TENM3: variants seen among roughly 807,000 people sequenced by gnomAD.
The protein encoded by TENM3 is teneurin-3.
A neutral mutation model predicts 255.1 loss-of-function variants in TENM3; 63 were observed. That is an observed-to-expected ratio of 0.25 (90% CI 0.20 to 0.30). The LOEUF is 0.30. Among genes scored for constraint, TENM3 ranks in the 10% least tolerant of loss-of-function variants. TENM3 has a pLI of 1.00. For synonymous variants in TENM3, 1,306 were observed against 1,322.3 expected (o/e 0.99, Z 0.27); for missense variants, 2,929 against 3,461.1 (o/e 0.85, Z 3.86).
chr4:182,446,150 C>T (rs1772894525), intron 3 of TENM3, among the ~76,000 whole-genome samples: 1 of 152,168 alleles, frequency 6.6e-6, no homozygotes. Flanking sequence ...TGCCTTTGCC[C>T]CATGGGCTGC....
intron 1 of TENM3, among the ~76,000 whole-genome samples, chr4:182,211,175 T>C (rs749750784): frequency 6.6e-6 from 1 of 152,232 alleles, no homozygotes; most frequent in African/African-American, 2.4e-5. Flanking sequence ...AGAACCAGGA[T>C]TGTTTTTAAG....
rs1762579877 is a variant in TENM3, at chr4:182,313,688, G to A, written c.-75-10258G>A. Among the ~76,000 whole-genome samples the A allele has an allele frequency of 2.0e-5, 3 of 151,986 alleles. No homozygotes were observed. The South Asian group carries it at 6.2e-4, about 32-fold the overall frequency. Reference sequence around the variant, plus strand: ...AAATGAAAAAAAAACAGCAAATATTGGGAATGTGTATTAAACAGTGCTTAG... The same window carrying A: ...AAATGAAAAAAAAACAGCAAATATTAGGAATGTGTATTAAACAGTGCTTAG... On this transcript the variant is annotated intron_variant, in intron 1 of 27. Transcript: ENST00000511685.
intron 3 of TENM3, among the ~76,000 whole-genome samples, chr4:182,358,703 C>A (rs1206149975): frequency 6.8e-6 from 1 of 147,776 alleles, no homozygotes; most frequent in Non-Finnish European, 1.5e-5. Flanking sequence ...AATTGAATAC[C>A]CTTTATTTCC....
the TENM3 span, among the ~76,000 whole-genome samples, chr4:181,799,532 G>T: frequency 6.6e-6 from 1 of 152,158 alleles, no homozygotes; most frequent in Non-Finnish European, 1.5e-5. Context: ...ATCAAAGCAT[G>T]ATCATTTCTT....
the TENM3 span, among the ~76,000 whole-genome samples, chr4:181,640,202 T>C: frequency 6.6e-6 from 1 of 152,278 alleles, no homozygotes; most frequent in South Asian, 2.1e-4. Flanking sequence ...TCTCAGTCCC[T>C]ACTCCAGACC....
chr4:182,430,677 G>T (rs1395244868), intron 3 of TENM3, among the ~76,000 whole-genome samples: 1 of 151,890 alleles, frequency 6.6e-6, no homozygotes, highest in Non-Finnish European at 1.5e-5. Context: ...GTTTGGCTTT[G>T]TCGATCACAA....
At chr4:182,030,622 G>A in the TENM3 span, among the ~76,000 whole-genome samples, 1,950 of 152,182 alleles carry the variant, frequency 0.013, 45 homozygotes, top group African/African-American at 0.044. Context: ...TGGGTCAAGT[G>A]GTATTTCTGG....
At chr4:181,634,947 CT>C in the TENM3 span, among the ~76,000 whole-genome samples, 1 of 152,094 alleles carries the variant, frequency 6.6e-6, no homozygotes, top group Non-Finnish European at 1.5e-5. Flanking sequence ...CATCTTCACC[CT>C]TTTTTTCATC....
intron 12 of TENM3, among the ~76,000 whole-genome samples, chr4:182,708,529 G>T (rs995343389): frequency 6.6e-6 from 1 of 152,220 alleles, no homozygotes; most frequent in Non-Finnish European, 1.5e-5. Context: ...GCGGGGCGTG[G>T]TGGCTCACGC....
At chr4:182,658,139 G>A (rs922378094) in intron 6 of TENM3, among the ~76,000 whole-genome samples, 1 of 152,182 alleles carries the variant, frequency 6.6e-6, no homozygotes, top group African/African-American at 2.4e-5. Context: ...TTTGTCAGTA[G>A]CACCAGTGAA....
At chr4:182,317,107 G>T (rs1762793539) in intron 1 of TENM3, among the ~76,000 whole-genome samples, 1 of 152,128 alleles carries the variant, frequency 6.6e-6, no homozygotes, top group East Asian at 1.9e-4. Flanking sequence ...GCAAAAGGTG[G>T]CTTCTTATTT....
chr4:181,694,818 T>A, the TENM3 span, among the ~76,000 whole-genome samples: 12 of 152,206 alleles, frequency 7.9e-5, no homozygotes, highest in African/African-American at 2.9e-4. Context: ...AAAAAACATG[T>A]TTATCACTGG....
chr4:181,882,002 AC>A, the TENM3 span, among the ~76,000 whole-genome samples: 3 of 152,222 alleles, frequency 2.0e-5, no homozygotes, highest in African/African-American at 7.2e-5. Flanking sequence ...AAATATGCAC[AC>A]CATTCAGAAA....
chr4:181,495,609 T>C, the TENM3 span, among the ~76,000 whole-genome samples: 2 of 152,022 alleles, frequency 1.3e-5, no homozygotes, highest in East Asian at 1.9e-4. Flanking sequence ...CATTGAAATA[T>C]CAGCAATGGT....
chr4:182,658,314 G>A (rs150203907), intron 6 of TENM3, among the ~76,000 whole-genome samples: 169 of 152,154 alleles, frequency 1.1e-3, no homozygotes, highest in African/African-American at 3.8e-3. Context: ...CTCACCTCCC[G>A]TCTACCTGAT....
the TENM3 span, among the ~76,000 whole-genome samples, chr4:181,811,156 C>T: frequency 6.6e-6 from 1 of 152,156 alleles, no homozygotes; most frequent in Non-Finnish European, 1.5e-5. Context: ...ATATGCACTA[C>T]AGAATATTTT....
intron 1 of TENM3, among the ~76,000 whole-genome samples, chr4:182,277,441 A>G (rs547056511): frequency 6.6e-6 from 1 of 152,264 alleles, no homozygotes; most frequent in African/African-American, 2.4e-5. Flanking sequence ...TTAATATGAA[A>G]CTGTTAAAAA....
rs1291483924 is a variant in TENM3 at position 182,451,990 on chromosome 4, T to C, written c.511+105061T>C. On this transcript the variant is annotated intron_variant, in intron 3 of 27. Coordinates refer to ENST00000511685, the MANE Select transcript of TENM3 (RefSeq NM_001080477.4). ...TTAAATTTTTATTAAAATGAGTTATTTTATAGTAACTTTGCCTCATTTAAA... is the reference window on the plus strand; with the variant it reads ...TTAAATTTTTATTAAAATGAGTTATCTTATAGTAACTTTGCCTCATTTAAA... Among the ~76,000 whole-genome samples, 3 of 152,214 alleles carry C rather than the reference T, an allele frequency of 2.0e-5. No individual in the cohort carries two copies. In the East Asian group the frequency reaches 5.8e-4, roughly 29 times the overall value.
the TENM3 span, among the ~76,000 whole-genome samples, chr4:181,844,586 T>A: frequency 6.6e-6 from 1 of 151,428 alleles, no homozygotes; most frequent in Non-Finnish European, 1.5e-5. Flanking sequence ...GAGAATGGCG[T>A]GAACCCGGGA....
Sources: gnomAD v4.1 joint callset for allele counts (sites outside exome capture counted in the v4.1 genomes callset) on GRCh38, gnomAD v4.1.1 for gene constraint, MANE v1.5 for transcripts, NCBI Gene and HGNC (gene_info 2026-07-23, HGNC 2026-07-21) for gene names.